Variants in MED13 observed in about 807,000 individuals in gnomAD.
MED13 encodes the protein mediator complex subunit 13.
MED13 carries 23 observed loss-of-function variants against 225.2 expected under a neutral mutation model. That is an observed-to-expected ratio of 0.10 (90% CI 0.07 to 0.14). The LOEUF (loss-of-function observed/expected upper bound fraction) is 0.14, where lower values mean the gene tolerates loss of function less well. Among genes scored for constraint, MED13 ranks in the 10% least tolerant of loss-of-function variants. MED13 has a pLI of 1.00. For synonymous variants in MED13, 942 were observed against 889.2 expected, an observed-to-expected ratio of 1.06 and a Z score of -1.06; for missense variants, 2,197 against 2,594.5, an observed-to-expected ratio of 0.85 and a Z score of 3.33.
At chr17:62,026,745 G>A (rs1024026473) in intron 8 of MED13, among the ~76,000 whole-genome samples, 1 of 152,102 alleles carries the variant, frequency 6.6e-6, no homozygotes, top group Non-Finnish European at 1.5e-5. Flanking sequence ...AAAATTTCAG[G>A]ATACAAAATC....
intron 28 of MED13, 135 bp from the exon 29 acceptor site, chr17:61,947,152 AT>A: frequency 1.8e-6 from 1 of 548,354 alleles, no homozygotes; most frequent in Non-Finnish European, 3.2e-6. Flanking sequence ...GAAAGCCACT[AT>A]AAAAATGCTT....
Position 61,943,762 on chromosome 17 carries a change from C to T in MED13, c.*2706G>A, listed in dbSNP as rs889282880. On this transcript the variant is annotated 3_prime_UTR_variant, in exon 30 of 30. Coordinates refer to ENST00000397786, the MANE Select transcript of MED13 (RefSeq NM_005121.3). The stretch of plus-strand genomic sequence containing the variant: ...GGTATGGCTAGATGTTTCTCACTGG[C>T]TGGAAGCAGACATTATATAACTAAT... The T allele has an allele frequency of 2.7e-4, 41 of 152,618 alleles. No homozygotes were observed. Among genetic ancestry groups the T allele is most frequent in the African/African-American group, 9.6e-4 (40 of 41,544 alleles). The allele number at this position is 152,618 out of a possible 1,614,324, so 9.5% of individuals were successfully genotyped here. A position where few individuals can be genotyped will look rare whatever the true frequency, so the allele number is the denominator to read the frequency against.
At chr17:62,023,736 T>C (rs1220436395) in intron 8 of MED13, among the ~76,000 whole-genome samples, 1 of 123,778 alleles carries the variant, frequency 8.1e-6, no homozygotes, top group Non-Finnish European at 1.6e-5. Flanking sequence ...GTTATCAATG[T>C]ATGCCCCCCA....
chr17:62,023,336 A>G (rs1372484922), intron 8 of MED13, among the ~76,000 whole-genome samples: 1 of 152,186 alleles, frequency 6.6e-6, no homozygotes, highest in Non-Finnish European at 1.5e-5. Context: ...GAGGAAAGTG[A>G]GGAAACCCAG....
chr17:62,009,914 T>C (rs541616508), intron 9 of MED13, among the ~76,000 whole-genome samples: 134 of 152,272 alleles, frequency 8.8e-4, no homozygotes, highest in Middle Eastern at 3.4e-3. Context: ...TAAAAACATG[T>C]ACTGAAATAA....
chr17:61,976,207 A>C (rs1409449035), intron 16 of MED13, among the ~76,000 whole-genome samples: 2 of 152,248 alleles, frequency 1.3e-5, no homozygotes, highest in African/African-American at 2.4e-5. Context: ...CGGTATCTTC[A>C]TACAATGGAA....
intron 3 of MED13, among the ~76,000 whole-genome samples, chr17:62,049,847 G>A (rs913793427): frequency 5.4e-5 from 8 of 148,256 alleles, no homozygotes; most frequent in Admixed American, 4.7e-4. Context: ...GGAGAATGGC[G>A]TGAACCAGGG....
chr17:61,943,463 A>G lies in MED13; in HGVS notation c.*3005T>C, dbSNP rs977450517. ...TAAAAAATTACCTCAGAAGGTAAAT[A>G]TGAAGACGAAAGGAGAATATTTTAA... is the stretch of plus-strand genomic sequence containing the variant. On this transcript the variant is annotated 3_prime_UTR_variant, in exon 30 of 30. Coordinates refer to ENST00000397786, the MANE Select transcript of MED13 (RefSeq NM_005121.3). 2.0e-5 allele frequency: 3 copies of G among 152,666 alleles called. No homozygotes were observed. The highest frequency in any genetic ancestry group is 7.2e-5 in the African/African-American group (3 of 41,478). 9.5% of individuals were successfully genotyped at this position (152,666 alleles called of 1,614,324 possible).
intron 8 of MED13, among the ~76,000 whole-genome samples, chr17:62,025,937 A>T (rs937958879): frequency 2.0e-5 from 3 of 152,238 alleles, no homozygotes; most frequent in Non-Finnish European, 4.4e-5. Context: ...AAGAATATTC[A>T]ATTTATGCAA....
intron 8 of MED13, among the ~76,000 whole-genome samples, chr17:62,026,271 C>T (rs1041584357): frequency 1.3e-5 from 2 of 152,220 alleles, no homozygotes; most frequent in Non-Finnish European, 2.9e-5. Flanking sequence ...AAGAATTCCA[C>T]GTTCATCTAT....
intron 11 of MED13, among the ~76,000 whole-genome samples, chr17:61,989,764 C>T (rs1212126142): frequency 6.6e-6 from 1 of 152,274 alleles, no homozygotes; most frequent in Admixed American, 6.5e-5. Context: ...GGCCATGACA[C>T]TTGGCCTTGC....
chr17:62,042,428 G>A (rs1235837393), intron 3 of MED13, among the ~76,000 whole-genome samples: 1 of 151,968 alleles, frequency 6.6e-6, no homozygotes, highest in Non-Finnish European at 1.5e-5. Context: ...TGGGCATGGT[G>A]GCACACGCCT....
intron 3 of MED13, among the ~76,000 whole-genome samples, chr17:62,052,234 A>G (rs971897584): frequency 2.0e-5 from 3 of 152,180 alleles, no homozygotes; most frequent in Non-Finnish European, 4.4e-5. Flanking sequence ...ATACTAAAAA[A>G]AAGATACTTC....
chr17:62,015,963 T>TATATATA (rs1567980164), intron 8 of MED13, among the ~76,000 whole-genome samples: 1 of 30,968 alleles, frequency 3.2e-5, no homozygotes, highest in African/African-American at 2.7e-4. Flanking sequence ...TATTTTTTTT[T>TATATATA]TTTTTTTTTT....
intron 29 of MED13, 46 bp from the exon 30 acceptor site, chr17:61,946,646 T>C: frequency 6.3e-7 from 1 of 1,598,416 alleles, no homozygotes; most frequent in Non-Finnish European, 8.5e-7. Context: ...ATTTCCAACC[T>C]AGATTTTGGA....
At chr17:61,978,594 C>T (rs769232460) in intron 16 of MED13, among the ~76,000 whole-genome samples, 7 of 151,996 alleles carry the variant, frequency 4.6e-5, no homozygotes, top group Non-Finnish European at 8.8e-5. Flanking sequence ...TATTATTGAC[C>T]CTATTTTAAG....
At chr17:61,987,180 T>C (rs1426245965) in intron 11 of MED13, 52 bp from the exon 12 acceptor site, 20 of 1,410,442 alleles carry the variant, frequency 1.4e-5, no homozygotes, top group Non-Finnish European at 1.8e-5. Context: ...ACTATGCCTG[T>C]AATCCCAGCA....
At chr17:61,993,179 ATGTT>A (rs1462172315) in intron 10 of MED13, among the ~76,000 whole-genome samples, 20 of 147,570 alleles carry the variant, frequency 1.4e-4, no homozygotes, top group Non-Finnish European at 2.4e-4. Context: ...TCCAAAGTCC[ATGTT>A]CTTTCTTTCT....
intron 2 of MED13, among the ~76,000 whole-genome samples, chr17:62,061,791 C>T (rs919878804): frequency 3.9e-5 from 6 of 152,152 alleles, no homozygotes; most frequent in African/African-American, 1.2e-4. Flanking sequence ...TACATATACA[C>T]ATCACTTTAC....
Sources: allele counts gnomAD v4.1 joint callset (sites outside exome capture counted in the v4.1 genomes callset), GRCh38; gene constraint gnomAD v4.1.1; transcripts MANE v1.5; gene names NCBI Gene and HGNC (gene_info 2026-07-23, HGNC 2026-07-21).